The following GAS7 variants were observed in gnomAD, a reference collection of about 807,000 sequenced individuals.
GAS7 encodes growth arrest-specific protein 7.
In GAS7, 28 loss-of-function variants were observed where a neutral mutation model predicts 71.1. The ratio of observed to expected loss-of-function variants is 0.39; its 90% CI spans 0.29 to 0.54. GAS7 has a LOEUF of 0.54. GAS7 is among the 20% of genes least tolerant of loss of function. GAS7 has a pLI of 0.62. For missense variants in GAS7, 436 were observed against 627.8 expected (o/e 0.69, Z 3.27); for synonymous variants, 258 against 245.8 (o/e 1.05, Z -0.46).
At chr17:9,927,068 T>C (rs2068030021) in intron 9 of GAS7, 1 of 330,388 alleles carries the variant, frequency 3.0e-6, no homozygotes, top group Non-Finnish European at 5.6e-6. Context: ...CTTCTGCAGC[T>C]TTTAAATTTT....
chr17:9,939,016 C>T (rs1324009840), intron 8 of GAS7, among the ~76,000 whole-genome samples: 1 of 152,178 alleles, frequency 6.6e-6, no homozygotes, highest in Non-Finnish European at 1.5e-5. Context: ...TGTGCATACA[C>T]CACCATTTGT....
intron 1 of GAS7, among the ~76,000 whole-genome samples, chr17:10,051,345 C>G (rs1401134719): frequency 6.6e-6 from 1 of 152,202 alleles, no homozygotes; most frequent in Non-Finnish European, 1.5e-5. Flanking sequence ...AGAATGATAC[C>G]TTCTAACCAT....
chr17:10,160,096 G>C (rs546900393), intron 1 of GAS7, among the ~76,000 whole-genome samples: 36 of 152,050 alleles, frequency 2.4e-4, no homozygotes, highest in Non-Finnish European at 4.1e-4. Flanking sequence ...TGTAGGGACA[G>C]GGTTTCCCCA....
intron 1 of GAS7, among the ~76,000 whole-genome samples, chr17:10,045,040 C>CAA (rs5819261): frequency 0.14 from 11,419 of 81,988 alleles, 787 homozygotes; most frequent in East Asian, 0.22. Flanking sequence ...GACTCCATCT[C>CAA]AAAAAAAAAA....
intron 1 of GAS7, among the ~76,000 whole-genome samples, chr17:10,111,547 ACAAAC>A (rs1474965796): frequency 1.1e-4 from 12 of 107,372 alleles, no homozygotes; most frequent in Non-Finnish European, 1.9e-4. Flanking sequence ...AAACAAACAA[ACAAAC>A]AAACAAAAAA....
chr17:10,002,037 G>A (rs1458624864), intron 2 of GAS7, among the ~76,000 whole-genome samples: 3 of 152,186 alleles, frequency 2.0e-5, no homozygotes, highest in Non-Finnish European at 4.4e-5. Flanking sequence ...CGATACCACT[G>A]CTTAGCTATC....
At position 9,914,894 on chromosome 17, in the gene GAS7, G is replaced by A. The variant is rs1360814013; in HGVS notation, c.*2334C>T. The A allele has an allele frequency of 8.6e-6, 2 of 231,848 alleles. No homozygotes were observed. Among genetic ancestry groups the A allele is most frequent in the Non-Finnish European group, 1.7e-5 (2 of 117,236 alleles). 14.4% of individuals were successfully genotyped at this position (231,848 alleles called of 1,614,324 possible). A position where few individuals can be genotyped will look rare whatever the true frequency, so the allele number is the denominator to read the frequency against. Reference sequence around the variant, plus strand: ...ACTTACCTCTGAAAACTTAAATTCTGTAGAGTGCCTATGTATCAATGCCAA... The same window carrying A: ...ACTTACCTCTGAAAACTTAAATTCTATAGAGTGCCTATGTATCAATGCCAA... On this transcript the variant is annotated 3_prime_UTR_variant, in exon 14 of 14. Transcript: ENST00000432992.
rs1250566633 is a variant in GAS7, at chr17:9,943,106, G to T, written c.731+15C>A. The T allele has an allele frequency of 1.9e-6, 3 of 1,543,692 alleles. No homozygotes were observed. In the South Asian group the frequency reaches 3.3e-5, roughly 17 times the overall value. On this transcript the variant is annotated intron_variant, in intron 7 of 13. Transcript: ENST00000432992. The stretch of plus-strand genomic sequence containing the variant: ...TGGTGCCAGGCCCCAGGGCTGGGAG[G>T]GGCCCAGGCTTCACCTTTCCCGGAT...
At chr17:10,196,356 G>C (rs1025261033) in intron 1 of GAS7, among the ~76,000 whole-genome samples, 1 of 152,202 alleles carries the variant, frequency 6.6e-6, no homozygotes. Flanking sequence ...AGAGCTGTCA[G>C]GGAACTGGTG....
intron 1 of GAS7, among the ~76,000 whole-genome samples, chr17:10,168,284 G>GA (rs140524769): frequency 1.3e-5 from 2 of 151,820 alleles, no homozygotes; most frequent in East Asian, 1.9e-4. Flanking sequence ...TATCAAGTGA[G>GA]AAAAAAAAGA....
chr17:10,053,557 A>T (rs1156453128), intron 1 of GAS7, among the ~76,000 whole-genome samples: 1 of 152,148 alleles, frequency 6.6e-6, no homozygotes, highest in African/African-American at 2.4e-5. Flanking sequence ...GCCCCATGGG[A>T]AGGGAGCCCA....
At chr17:9,934,595 G>A (rs970462893) in intron 8 of GAS7, among the ~76,000 whole-genome samples, 3 of 152,184 alleles carry the variant, frequency 2.0e-5, no homozygotes, top group African/African-American at 7.2e-5. Context: ...CAGCTGCAGT[G>A]AGGGCCTTGA....
At chr17:10,091,765 G>A (rs570633355) in intron 1 of GAS7, among the ~76,000 whole-genome samples, 61 of 152,068 alleles carry the variant, frequency 4.0e-4, no homozygotes, top group African/African-American at 1.3e-3. Context: ...CACTGCAGCC[G>A]CGACCTCCTG....
chr17:10,059,655 A>C (rs2073196567), intron 1 of GAS7: 1 of 981,310 alleles, frequency 1.0e-6, no homozygotes. Flanking sequence ...GAGCATCTGC[A>C]TCAAAGATAA....
chr17:10,085,374 G>A (rs2073505974), intron 1 of GAS7, among the ~76,000 whole-genome samples: 2 of 152,056 alleles, frequency 1.3e-5, no homozygotes, highest in Admixed American at 1.3e-4. Flanking sequence ...AGGCCTGCTG[G>A]GAGACAGAAT....
At chr17:9,954,197 T>C (rs1457773215) in intron 5 of GAS7, among the ~76,000 whole-genome samples, 1 of 152,168 alleles carries the variant, frequency 6.6e-6, no homozygotes, top group African/African-American at 2.4e-5. Context: ...TGTGTCCCAC[T>C]GCGTACCCCT....
At chr17:10,174,103 G>A (rs916012121) in intron 1 of GAS7, among the ~76,000 whole-genome samples, 1 of 152,148 alleles carries the variant, frequency 6.6e-6, no homozygotes, top group Non-Finnish European at 1.5e-5. Context: ...AGGCGTTTCA[G>A]GACACTAATG....
Position 9,946,906 on chromosome 17 carries a change from G to A in GAS7, c.603C>T (p.Cys201=), listed in dbSNP as rs1238163107. 14 of 1,609,396 alleles carry A rather than the reference G, an allele frequency of 8.7e-6. No homozygotes were observed. The highest frequency in any genetic ancestry group is 6.7e-5 in the East Asian group (3 of 44,822). Residue 201 remains cysteine (C), a synonymous_variant, in exon 6 of 14, where the codon TGC becomes TGT. Coordinates refer to ENST00000432992, the MANE Select transcript of GAS7 (RefSeq NM_201433.2). Reference sequence around the variant, plus strand: ...AGGCGCTGCTTACCCAGAAGTAGTCGCAGTAGCTCCACTCGGTTGGTTTCA... The same window carrying A: ...AGGCGCTGCTTACCCAGAAGTAGTCACAGTAGCTCCACTCGGTTGGTTTCA... ...QLLKPTEWSY[C]DYFWADKKDP...
At chr17:9,932,433 T>G (rs1345738360) in intron 9 of GAS7, among the ~76,000 whole-genome samples, 1 of 152,168 alleles carries the variant, frequency 6.6e-6, no homozygotes, top group Non-Finnish European at 1.5e-5. Flanking sequence ...GATCTCATGA[T>G]CCACCCACCT....
Sources: gnomAD v4.1 joint callset for allele counts (sites outside exome capture counted in the v4.1 genomes callset) on GRCh38, gnomAD v4.1.1 for gene constraint, MANE v1.5 for transcripts, NCBI Gene and HGNC (gene_info 2026-07-23, HGNC 2026-07-21) for gene names.